The following LUZP2 variants were observed in gnomAD, a reference collection of about 807,000 sequenced individuals.
LUZP2 encodes the protein leucine zipper protein 2.
A neutral mutation model predicts 51.6 loss-of-function variants in LUZP2; 52 were observed. That is an observed-to-expected ratio of 1.01 (90% CI 0.81 to 1.27). The LOEUF (loss-of-function observed/expected upper bound fraction) is 1.27. Ranked by LOEUF, LUZP2 falls within the 50% of genes most tolerant of loss-of-function variation. The probability of loss-of-function intolerance (pLI) is 0.00; values close to 1 mark genes in which losing one functional copy is unlikely to be tolerated. For synonymous variants in LUZP2, 154 were observed against 137.3 expected (o/e 1.12, Z -0.85); for missense variants, 436 against 395.4 (o/e 1.10, Z -0.87).
At chr11:25,026,942 C>T (rs547418634) in intron 9 of LUZP2, among the ~76,000 whole-genome samples, 1 of 149,850 alleles carries the variant, frequency 6.7e-6, no homozygotes, top group South Asian at 2.1e-4. Flanking sequence ...AATCTTGACC[C>T]TCTCCTAAAT....
chr11:24,552,900 A>G (rs1215647274), intron 1 of LUZP2, among the ~76,000 whole-genome samples: 1 of 151,512 alleles, frequency 6.6e-6, no homozygotes, highest in East Asian at 1.9e-4. Context: ...TGGATTTTGA[A>G]AATTAATACT....
intron 9 of LUZP2, among the ~76,000 whole-genome samples, chr11:24,997,517 T>C (rs1856543464): frequency 6.6e-6 from 1 of 152,242 alleles, no homozygotes; most frequent in African/African-American, 2.4e-5. Flanking sequence ...TTCTAGATAT[T>C]AGCCCTTTGT....
At position 24,707,429 on chromosome 11, in the gene LUZP2, T is replaced by C. The variant is rs377566371; in HGVS notation, c.63-21740T>C. On this transcript the variant is annotated intron_variant, in intron 1 of 11. Transcript: ENST00000336930. Reference sequence around the variant, plus strand: ...ACAGAAAAGCTTAACAGTTGTCAAATGTTGTTAGATGGACAACTAAAAAAA... The same window carrying C: ...ACAGAAAAGCTTAACAGTTGTCAAACGTTGTTAGATGGACAACTAAAAAAA... Among the ~76,000 whole-genome samples the C allele has an allele frequency of 2.6e-4, 40 of 152,218 alleles. 2 individuals carry two copies. In the East Asian group the frequency reaches 4.3e-3, roughly 16 times the overall value.
intron 1 of LUZP2, among the ~76,000 whole-genome samples, chr11:24,651,409 G>A (rs1855620539): frequency 1.3e-5 from 2 of 152,002 alleles, no homozygotes; most frequent in South Asian, 4.1e-4. Flanking sequence ...CACACACACA[G>A]AAACCAAAAC....
intron 1 of LUZP2, among the ~76,000 whole-genome samples, chr11:24,627,226 G>A (rs10834408): frequency 0.2 from 30,674 of 152,022 alleles, 3,811 homozygotes; most frequent in East Asian, 0.32. Context: ...ATACCTCAAA[G>A]CAGACATAGG....
At chr11:24,924,639 A>G (rs1854173033) in intron 7 of LUZP2, among the ~76,000 whole-genome samples, 1 of 152,218 alleles carries the variant, frequency 6.6e-6, no homozygotes, top group Non-Finnish European at 1.5e-5. Flanking sequence ...ACACAGCCTT[A>G]GAAAATCCTG....
chr11:24,872,522 TACC>T (rs1852114874), intron 5 of LUZP2, among the ~76,000 whole-genome samples: 1 of 152,172 alleles, frequency 6.6e-6, no homozygotes, highest in Admixed American at 6.6e-5. Flanking sequence ...AAATGTTAAT[TACC>T]TATCACTTCT....
intron 1 of LUZP2, among the ~76,000 whole-genome samples, chr11:24,708,846 G>C (rs529664265): frequency 6.6e-6 from 1 of 152,138 alleles, no homozygotes. Flanking sequence ...GCCTGACAGA[G>C]AATTAAAATT....
intron 7 of LUZP2, among the ~76,000 whole-genome samples, chr11:24,968,130 C>G (rs185612246): frequency 6.6e-6 from 1 of 152,176 alleles, no homozygotes; most frequent in East Asian, 1.9e-4. Context: ...GCTAAACCTC[C>G]AAAGATGTGT....
intron 5 of LUZP2, among the ~76,000 whole-genome samples, chr11:24,856,607 T>A (rs1198920622): frequency 6.6e-6 from 1 of 152,056 alleles, no homozygotes; most frequent in African/African-American, 2.4e-5. Flanking sequence ...AATCATTATA[T>A]CAAAAAGATA....
At chr11:24,765,043 G>A (rs1860129483) in intron 5 of LUZP2, among the ~76,000 whole-genome samples, 1 of 152,058 alleles carries the variant, frequency 6.6e-6, no homozygotes, top group South Asian at 2.1e-4. Context: ...AAGAACATAT[G>A]AAATGAAAAT....
At chr11:25,014,742 C>T (rs1857095177) in intron 9 of LUZP2, among the ~76,000 whole-genome samples, 1 of 152,120 alleles carries the variant, frequency 6.6e-6, no homozygotes, top group Non-Finnish European at 1.5e-5. Flanking sequence ...TGTGCAGAAG[C>T]TCTTTAGTTT....
At chr11:24,798,292 A>AAG (rs1375546913) in intron 5 of LUZP2, among the ~76,000 whole-genome samples, 1 of 151,866 alleles carries the variant, frequency 6.6e-6, no homozygotes, top group Admixed American at 6.6e-5. Flanking sequence ...ATCATAGCTC[A>AAG]CTACAGCCTT....
chr11:24,582,612 C>T (rs1335811653), intron 1 of LUZP2, among the ~76,000 whole-genome samples: 3 of 151,976 alleles, frequency 2.0e-5, no homozygotes, highest in South Asian at 2.1e-4. Flanking sequence ...TTTCCCCCTG[C>T]CCTCATCTAA....
At chr11:24,848,907 A>G (rs534058640) in intron 5 of LUZP2, among the ~76,000 whole-genome samples, 1 of 152,254 alleles carries the variant, frequency 6.6e-6, no homozygotes, top group African/African-American at 2.4e-5. Context: ...AGCATACCTC[A>G]AAAACTAGGC....
chr11:24,695,207 T>C (rs770370559), intron 1 of LUZP2, among the ~76,000 whole-genome samples: 1 of 152,092 alleles, frequency 6.6e-6, no homozygotes, highest in South Asian at 2.1e-4. Flanking sequence ...CTAGGAAATA[T>C]TATGCAAGAT....
intron 9 of LUZP2, among the ~76,000 whole-genome samples, chr11:24,989,116 A>C (rs1459209790): frequency 7.0e-6 from 1 of 142,200 alleles, no homozygotes; most frequent in Non-Finnish European, 1.5e-5. Flanking sequence ...AAAAAAAAAA[A>C]GAAAAGAAAA....
intron 1 of LUZP2, among the ~76,000 whole-genome samples, chr11:24,503,231 GA>G (rs1439430932): frequency 6.6e-5 from 10 of 152,102 alleles, no homozygotes; most frequent in African/African-American, 2.4e-4. Flanking sequence ...ACTATTACAT[GA>G]AAAATATATT....
chr11:24,741,643 A>G (rs1859146517), intron 4 of LUZP2, among the ~76,000 whole-genome samples: 1 of 151,126 alleles, frequency 6.6e-6, no homozygotes, highest in African/African-American at 2.4e-5. Flanking sequence ...TAGCTCCCAC[A>G]TATCAGTGAG....
Sources: allele counts gnomAD v4.1 joint callset (sites outside exome capture counted in the v4.1 genomes callset), GRCh38; gene constraint gnomAD v4.1.1; transcripts MANE v1.5; gene names NCBI Gene and HGNC (gene_info 2026-07-23, HGNC 2026-07-21).